BCAP29: variants seen among roughly 807,000 people sequenced by gnomAD.
BCAP29 encodes B-cell receptor-associated protein 29.
A neutral mutation model predicts 31.8 loss-of-function variants in BCAP29; 34 were observed. The ratio of observed to expected loss-of-function variants is 1.07; its 90% confidence interval spans 0.81 to 1.42. The LOEUF (loss-of-function observed/expected upper bound fraction) is 1.42, where lower values mean the gene tolerates loss of function less well. Ranked by LOEUF, BCAP29 falls within the 40% of genes most tolerant of loss-of-function variation. The pLI is 0.00. For synonymous variants in BCAP29, 104 were observed against 91.3 expected (o/e 1.14, Z -0.79); for missense variants, 314 against 269.2 (o/e 1.17, Z -1.16).
At chr7:107,608,200 TAA>T (rs58620528) in intron 6 of BCAP29, among the ~76,000 whole-genome samples, 6 of 144,846 alleles carry the variant, frequency 4.1e-5, no homozygotes, top group African/African-American at 1.0e-4. Flanking sequence ...ATGAGTGGAT[TAA>T]AAAAAAAAAA....
chr7:107,586,247 T>C (rs542399787), intron 3 of BCAP29, among the ~76,000 whole-genome samples: 67 of 152,302 alleles, frequency 4.4e-4, no homozygotes, highest in African/African-American at 1.4e-3. Context: ...CCAGGTGTGG[T>C]ACCCATTCCA....
At chr7:107,614,385 T>TGG (rs1813753940) in intron 7 of BCAP29, among the ~76,000 whole-genome samples, 1 of 152,224 alleles carries the variant, frequency 6.6e-6, no homozygotes, top group African/African-American at 2.4e-5. Flanking sequence ...AGGCAGGTTA[T>TGG]AGCATCCCTT....
At chr7:107,605,004 T>C (rs528310660) in intron 6 of BCAP29, among the ~76,000 whole-genome samples, 1 of 152,330 alleles carries the variant, frequency 6.6e-6, no homozygotes, top group African/African-American at 2.4e-5. Flanking sequence ...ATATTGATGT[T>C]ATTGTCAAAA....
intron 5 of BCAP29, among the ~76,000 whole-genome samples, chr7:107,600,059 G>GT (rs1308815881): frequency 2.0e-5 from 3 of 151,936 alleles, no homozygotes; most frequent in African/African-American, 4.8e-5. Context: ...CCTCAGAACT[G>GT]TTTTTTTCCC....
chr7:107,599,896 A>G (rs984924539), intron 5 of BCAP29, among the ~76,000 whole-genome samples: 1 of 152,180 alleles, frequency 6.6e-6, no homozygotes, highest in African/African-American at 2.4e-5. Flanking sequence ...TTCAATGAAA[A>G]TTAGAACTTT....
At chr7:107,602,494 A>C (rs1811337363) in intron 6 of BCAP29, among the ~76,000 whole-genome samples, 1 of 152,188 alleles carries the variant, frequency 6.6e-6, no homozygotes, top group Admixed American at 6.5e-5. Context: ...TGAGGGTGTT[A>C]AGGTGACAAG....
At chr7:107,599,535 G>GA (rs1176903845) in intron 5 of BCAP29, among the ~76,000 whole-genome samples, 6 of 140,938 alleles carry the variant, frequency 4.3e-5, no homozygotes, top group African/African-American at 1.6e-4. Flanking sequence ...AAAAAAAAAA[G>GA]AAAAAAAAGT....
At chr7:107,595,050 ACT>A (rs1468142934) in intron 4 of BCAP29, among the ~76,000 whole-genome samples, 1 of 151,630 alleles carries the variant, frequency 6.6e-6, no homozygotes, top group Non-Finnish European at 1.5e-5. Flanking sequence ...GGTGTACCTA[ACT>A]CTTTCCCATT....
downstream of BCAP29, chr7:107,622,508 T>C (rs987844634): frequency 1.3e-5 from 2 of 153,096 alleles, no homozygotes; most frequent in African/African-American, 2.4e-5. Context: ...TACGTTTGCA[T>C]GTGTAGTACA....
chr7:107,612,433 A>ATTTTTTTATT (rs1440411229), intron 6 of BCAP29, among the ~76,000 whole-genome samples: 1 of 42,076 alleles, frequency 2.4e-5, no homozygotes, highest in African/African-American at 5.5e-5. Context: ...ATATATATAT[A>ATTTTTTTATT]TATATATTTA....
At chr7:107,600,365 C>G (rs1403091090) in intron 5 of BCAP29, 32 bp from the exon 6 acceptor site, 1 of 1,343,130 alleles carries the variant, frequency 7.4e-7, no homozygotes, top group Admixed American at 1.7e-5. Flanking sequence ...GCAATCTAAG[C>G]TTATTTCTTC....
chr7:107,615,135 T>G (rs1368960763), intron 7 of BCAP29: 1 of 448,066 alleles, frequency 2.2e-6, no homozygotes, highest in East Asian at 7.0e-5. Flanking sequence ...GTCTCCATTG[T>G]TGAATGTCTC....
chr7:107,616,842 G>A (rs149288240), intron 7 of BCAP29, among the ~76,000 whole-genome samples: 3 of 152,034 alleles, frequency 2.0e-5, no homozygotes, highest in Admixed American at 6.6e-5. Flanking sequence ...CAATTTAATC[G>A]ATTCTTGTGC....
intron 6 of BCAP29, among the ~76,000 whole-genome samples, chr7:107,600,952 G>T (rs1811067171): frequency 1.3e-5 from 2 of 152,166 alleles, no homozygotes; most frequent in South Asian, 4.1e-4. Context: ...CTTGAAAGAG[G>T]TGGGTAGGCA....
chr7:107,600,516 G>A lies in BCAP29; in HGVS notation c.589+11G>A. 1 of 1,498,256 alleles carries A rather than the reference G, an allele frequency of 6.7e-7. No individual in the cohort carries two copies. The highest frequency in any genetic ancestry group is 9.2e-7 in the Non-Finnish European group (1 of 1,082,560). The allele number at this position is 1,498,256 out of a possible 1,614,324, so 92.8% of individuals were successfully genotyped here. Reference sequence around the variant, plus strand: ...GGAAGACTTCAGATGGTAACTTTGTGTACATGTGAAAAAGTAAAAAGACTA... The same window carrying A: ...GGAAGACTTCAGATGGTAACTTTGTATACATGTGAAAAAGTAAAAAGACTA... On this transcript the variant is annotated intron_variant, in intron 6 of 7. Transcript: ENST00000005259.
intron 5 of BCAP29, among the ~76,000 whole-genome samples, chr7:107,596,601 A>C (rs921907335): frequency 1.3e-5 from 2 of 152,204 alleles, no homozygotes; most frequent in African/African-American, 4.8e-5. Context: ...GCAGCCTTGT[A>C]TTTATAGAAC....
chr7:107,623,002 G>A (rs1045063730), downstream of BCAP29: 2 of 152,126 alleles, frequency 1.3e-5, no homozygotes, highest in African/African-American at 4.8e-5. Context: ...TTGTATGTAA[G>A]TGGAAATAGG....
chr7:107,600,040 T>G (rs752735065), intron 5 of BCAP29, among the ~76,000 whole-genome samples: 10 of 152,174 alleles, frequency 6.6e-5, no homozygotes, highest in African/African-American at 9.6e-5. Context: ...GTTTTCTAAT[T>G]AATATCATCC....
chr7:107,614,196 A>G (rs1813720482), intron 7 of BCAP29, among the ~76,000 whole-genome samples: 1 of 152,156 alleles, frequency 6.6e-6, no homozygotes, highest in Non-Finnish European at 1.5e-5. Flanking sequence ...AGGGCTTTTT[A>G]CAAATAATAG....
Sources: allele counts gnomAD v4.1 joint callset (sites outside exome capture counted in the v4.1 genomes callset), GRCh38; gene constraint gnomAD v4.1.1; transcripts MANE v1.5; gene names NCBI Gene and HGNC (gene_info 2026-07-23, HGNC 2026-07-21).